SETX: variants seen among roughly 807,000 people sequenced by gnomAD.
The protein encoded by SETX is senataxin.
A neutral mutation model predicts 227.2 loss-of-function variants in SETX; 90 were observed. The ratio of observed to expected loss-of-function variants is 0.40; its 90% CI spans 0.33 to 0.47. SETX has a LOEUF of 0.47. Among genes scored for constraint, SETX ranks in the 20% least tolerant of loss-of-function variants. SETX has a pLI of 0.91. For missense variants in SETX, 3,052 were observed against 3,181.5 expected (o/e 0.96, Z 0.98); for synonymous variants, 1,210 against 1,113.2 (o/e 1.09, Z -1.73).
intron 20 of SETX, among the ~76,000 whole-genome samples, chr9:132,280,344 G>A (rs993342102): frequency 3.3e-5 from 5 of 151,992 alleles, no homozygotes; most frequent in African/African-American, 1.2e-4. Flanking sequence ...TAAAGTTGAG[G>A]CCCATTAACA....
chr9:132,272,028 G>A (rs897632251), intron 23 of SETX, among the ~76,000 whole-genome samples: 17 of 151,876 alleles, frequency 1.1e-4, no homozygotes, highest in Non-Finnish European at 1.0e-4. Flanking sequence ...GACTACAGGT[G>A]CCCGCCACCA....
intron 15 of SETX, among the ~76,000 whole-genome samples, chr9:132,291,159 CT>C (rs139976052): frequency 0.046 from 3,890 of 83,944 alleles, 21 homozygotes; most frequent in African/African-American, 0.11. Flanking sequence ...GTTTGAAAAC[CT>C]TTTTTTTTTT....
chr9:132,323,267 C>T (rs1191718602), intron 10 of SETX, among the ~76,000 whole-genome samples: 4 of 151,980 alleles, frequency 2.6e-5, no homozygotes, highest in South Asian at 2.1e-4. Flanking sequence ...TGATCATGAG[C>T]GATTTAAACA....
chr9:132,320,367 A>G (rs1846240379), intron 10 of SETX, among the ~76,000 whole-genome samples: 1 of 152,126 alleles, frequency 6.6e-6, no homozygotes, highest in African/African-American at 2.4e-5. Context: ...CAAGGTCAGA[A>G]GATTGAGACC....
At chr9:132,354,335 T>C (rs942071884) in intron 1 of SETX, among the ~76,000 whole-genome samples, 1 of 151,610 alleles carries the variant, frequency 6.6e-6, no homozygotes, top group Non-Finnish European at 1.5e-5. Context: ...CTGCAACACA[T>C]TTTGTTTTTA....
intron 10 of SETX, among the ~76,000 whole-genome samples, chr9:132,324,600 C>T (rs909258497): frequency 6.6e-6 from 1 of 152,144 alleles, no homozygotes; most frequent in Non-Finnish European, 1.5e-5. Flanking sequence ...CCAGAAAGTG[C>T]CCTGTCCCCT....
rs746654395 is a variant in SETX at position 132,275,266 on chromosome 9, C to T, written c.7090G>A (p.Asp2364Asn). ...MIQKDLDKEF[D>N]RKGPAEVDTV... ...ATAAAAATGCCTCACCCTTTTCTAT[C>T]GAACTCTTTGTCCAAATCCTTCTGA... The change falls in exon 23 of 26, where the codon GAT (aspartate) becomes AAT (asparagine). Residue 2364 changes from aspartate to asparagine, a missense_variant. Asp to Asn is a conservative substitution (Grantham distance 23). Transcript: ENST00000224140. 3.1e-6 allele frequency: 5 copies of T among 1,614,048 alleles called. No individual in the cohort carries two copies. Among genetic ancestry groups the T allele is most frequent in the South Asian group, 2.2e-5 (2 of 91,066 alleles).
chr9:132,315,445 T>TA (rs141474823), intron 10 of SETX, among the ~76,000 whole-genome samples: 26 of 152,304 alleles, frequency 1.7e-4, no homozygotes, highest in African/African-American at 4.3e-4. Flanking sequence ...TTTGAGGACT[T>TA]AAACTCCTAG....
At position 132,288,331 on chromosome 9, in the gene SETX, C is replaced by T. The variant is rs756506544; in HGVS notation, c.6229G>A (p.Val2077Ile). Residue 2077 changes from valine (V) to isoleucine (I), a missense_variant, in exon 17 of 26, where the codon GTT becomes ATT. Transcript: ENST00000224140. ...HRMKKELPSHVQAMHKRKEFL... is the reference protein window; with the variant it reads ...HRMKKELPSHIQAMHKRKEFL... ...TCCTTTCTTTTATGCATCGCCTGAA[C>T]ATGAGAAGGTAACTCTTTTTCTAAT... 1 of 1,613,588 alleles carries T rather than the reference C, an allele frequency of 6.2e-7. No individual in the cohort carries two copies. The highest frequency in any genetic ancestry group is 1.1e-5 in the South Asian group (1 of 91,058).
chr9:132,278,266 G>A lies in SETX; in HGVS notation c.6655-9C>T. On this transcript the variant is annotated splice_polypyrimidine_tract_variant and intron_variant, in intron 20 of 25. Transcript: ENST00000224140. The stretch of plus-strand genomic sequence containing the variant: ...CCATACTCCTGTGCTTTCTGTGAGG[G>A]GCAAAATAAAGCAACAGTTTCCAAG... The A allele has an allele frequency of 1.2e-6, 2 of 1,613,686 alleles. No homozygotes were observed. Among genetic ancestry groups the A allele is most frequent in the Non-Finnish European group, 1.7e-6 (2 of 1,179,812 alleles).
intron 22 of SETX, among the ~76,000 whole-genome samples, 163 bp from the exon 23 acceptor site, chr9:132,275,583 C>G (rs1382867357): frequency 6.6e-6 from 1 of 152,020 alleles, no homozygotes; most frequent in East Asian, 1.9e-4. Flanking sequence ...GTTACAATGA[C>G]CATTAATATG....
rs773660727 is a variant in SETX at position 132,331,292 on chromosome 9, C to T, written c.995G>A (p.Arg332Gln). The T allele has an allele frequency of 5.6e-6, 9 of 1,613,944 alleles. No individual in the cohort carries two copies. Among genetic ancestry groups the T allele is most frequent in the Admixed American group, 5.0e-5 (3 of 60,014 alleles). The part of the protein sequence containing the change: ...ASYNREIRHI[R>Q]NSSVRTKLEP... ...CTGAACTAACCTTACAGAGCTGTTC[C>T]GTATATGTCGGATCTCTCTATTGTA... Residue 332 changes from arginine (R) to glutamine (Q), a missense_variant, in exon 8 of 26, where the codon CGG (arginine) becomes CAG (glutamine). Physicochemically the swap from Arg to Gln is conservative, Grantham distance 43 (BLOSUM62 1). This residue lies in a region of SETX where 239 missense variants were observed against 240.8 expected (regional missense o/e 0.99). Transcript: ENST00000224140.
intron 18 of SETX, 84 bp from the exon 19 acceptor site, chr9:132,283,497 C>G (rs757170942): frequency 3.1e-5 from 46 of 1,485,582 alleles, no homozygotes; most frequent in Non-Finnish European, 4.2e-5. Context: ...AAAACACTCA[C>G]TATTTATTAA....
At chr9:132,344,312 C>T (rs1204210246) in intron 4 of SETX, among the ~76,000 whole-genome samples, 10 of 152,052 alleles carry the variant, frequency 6.6e-5, no homozygotes, top group Non-Finnish European at 1.3e-4. Context: ...CTCCTGGGCT[C>T]GAATGATCCT....
chr9:132,324,782 C>G (rs1846598156), intron 10 of SETX, among the ~76,000 whole-genome samples: 1 of 152,186 alleles, frequency 6.6e-6, no homozygotes, highest in African/African-American at 2.4e-5. Context: ...CTATTTACCT[C>G]AACATTGTTG....
At chr9:132,276,732 C>T (rs1406708604) in intron 22 of SETX, among the ~76,000 whole-genome samples, 1 of 152,188 alleles carries the variant, frequency 6.6e-6, no homozygotes. Flanking sequence ...TTAGCCTTCA[C>T]AGTACTTAAC....
In SETX at chr9:132,329,756, G is replaced by A; in HGVS notation, c.1842C>T (p.Ile614=). The A allele has an allele frequency of 6.2e-7, 1 of 1,614,118 alleles. No homozygotes were observed. Among genetic ancestry groups the A allele is most frequent in the South Asian group, 1.1e-5 (1 of 91,078 alleles). ...TFVDLTSACK[I]SPASYNKEES... is the part of the protein sequence containing the mutation. ...CTTCTTTATTATAAGATGCAGGAGA[G>A]ATTTTACATGCAGAAGTCAGATCCA... is the stretch of plus-strand genomic sequence containing the variant. The change falls in exon 10 of 26, where the codon ATC becomes ATT. Residue 614 remains isoleucine, a synonymous_variant. Transcript: ENST00000224140.
chr9:132,296,107 T>A, intron 14 of SETX, 79 bp from the exon 15 acceptor site: 1 of 1,532,904 alleles, frequency 6.5e-7, no homozygotes, highest in Admixed American at 1.7e-5. Flanking sequence ...TTAAAGTTTG[T>A]CTTTACTTCC....
chr9:132,296,800 G>A, intron 14 of SETX, 87 bp downstream of exon 14: 1 of 1,212,068 alleles, frequency 8.3e-7, no homozygotes, highest in South Asian at 1.2e-5. Context: ...GAAATGGCAT[G>A]TTAATACTTA....
Sources: gnomAD v4.1 joint callset for allele counts (sites outside exome capture counted in the v4.1 genomes callset) on GRCh38, gnomAD v4.1.1 for gene constraint, gnomAD v4.1.1 regional missense constraint, MANE v1.5 for transcripts, NCBI Gene and HGNC (gene_info 2026-07-23, HGNC 2026-07-21) for gene names.